The following RFK variants were observed in gnomAD, a reference collection of about 807,000 sequenced individuals.
RFK encodes riboflavin kinase.
A neutral mutation model predicts 17.6 loss-of-function variants in RFK; 4 were observed. The ratio of observed to expected loss-of-function variants is 0.23; its 90% CI spans 0.11 to 0.52. The LOEUF (loss-of-function observed/expected upper bound fraction) is 0.52, where lower values mean the gene tolerates loss of function less well. RFK is among the 20% of genes least tolerant of loss of function. The pLI, the probability that RFK is intolerant of heterozygous loss-of-function variation, is 0.96. For synonymous variants in RFK, 59 were observed against 63.8 expected (o/e 0.92, Z 0.36); for missense variants, 189 against 187.7 (o/e 1.01, Z -0.04).
At chr9:76,392,394 T>C (rs746179434) in intron 2 of RFK, 24 bp downstream of exon 2, 33 of 1,612,418 alleles carry the variant, frequency 2.0e-5, no homozygotes, top group Non-Finnish European at 2.7e-5. Flanking sequence ...CATTTTCGGT[T>C]ACAGAGCAAA....
rs1822865950 is a variant in RFK, at chr9:76,394,417, C to A, written c.-246G>T. ...TCCGCTGGAGGGCAGCGGAGACAGC[C>A]GAAGTAAGTGCCGGGTGTGAGCGGG... is the stretch of plus-strand genomic sequence containing the variant. On this transcript the variant is annotated 5_prime_UTR_variant, in exon 1 of 4. Transcript: ENST00000376736. 7.0e-6 allele frequency: 3 copies of A among 429,872 alleles called. No homozygotes were observed. The highest frequency in any genetic ancestry group is 2.1e-5 in the African/African-American group (1 of 47,520). The allele number at this position is 429,872 out of a possible 1,614,324, so 26.6% of individuals were successfully genotyped here.
Position 76,394,423 on chromosome 9 carries a change from A to G in RFK, c.-252T>C. 4.9e-6 allele frequency: 2 copies of G among 407,438 alleles called. No individual in the cohort carries two copies. Among genetic ancestry groups the G allele is most frequent in the Non-Finnish European group, 8.7e-6 (2 of 229,396 alleles). The allele number at this position is 407,438 out of a possible 1,614,324, so 25.2% of individuals were successfully genotyped here. A position where few individuals can be genotyped will look rare whatever the true frequency, so the allele number is the denominator to read the frequency against. ...GGAGGGCAGCGGAGACAGCCGAAGT[A>G]AGTGCCGGGTGTGAGCGGGGTGGGG... On this transcript the variant is annotated 5_prime_UTR_variant, in exon 1 of 4. Coordinates refer to ENST00000376736, the MANE Select transcript of RFK (RefSeq NM_018339.6).
At chr9:76,392,666 A>T in intron 1 of RFK, 97 bp from the exon 2 acceptor site, 1 of 1,227,392 alleles carries the variant, frequency 8.1e-7, no homozygotes, top group Non-Finnish European at 1.2e-6. Context: ...TAGGACTTTG[A>T]GAGGCCAAGG....
chr9:76,390,580 C>T (rs1373630165), intron 2 of RFK, among the ~76,000 whole-genome samples: 2 of 152,118 alleles, frequency 1.3e-5, no homozygotes, highest in Non-Finnish European at 2.9e-5. Context: ...GGGAGGATCA[C>T]TTCAGCCCAG....
chr9:76,389,912 T>C (rs960394804), intron 2 of RFK, among the ~76,000 whole-genome samples: 7 of 152,190 alleles, frequency 4.6e-5, no homozygotes, highest in Non-Finnish European at 1.0e-4. Context: ...GCAGGTTTTT[T>C]AAAATAGGAG....
At position 76,394,375 on chromosome 9, in the gene RFK, G is replaced by A. The variant is rs1001489730; in HGVS notation, c.-204C>T. On this transcript the variant is annotated 5_prime_UTR_variant, in exon 1 of 4. Coordinates refer to ENST00000376736, the MANE Select transcript of RFK (RefSeq NM_018339.6). ...GCCGACCCAACAAATACCGCCGGGC[G>A]CCTGAGGAGCTGCGTCTCCGCTGGA... is the stretch of plus-strand genomic sequence containing the variant. The A allele has an allele frequency of 2.2e-4, 108 of 500,000 alleles. No individual in the cohort carries two copies. Among genetic ancestry groups the A allele is most frequent in the African/African-American group, 2.1e-3 (103 of 48,618 alleles). 31.0% of individuals were successfully genotyped at this position (500,000 alleles called of 1,614,324 possible).
chr9:76,392,319 G>GT, intron 2 of RFK, 99 bp downstream of exon 2: 2 of 1,246,972 alleles, frequency 1.6e-6, no homozygotes, highest in Non-Finnish European at 2.3e-6. Flanking sequence ...GAACTACGTT[G>GT]TGATTACCAC....
intron 1 of RFK, chr9:76,393,757 G>T: frequency 1.1e-5 from 4 of 363,368 alleles, no homozygotes; most frequent in East Asian, 4.8e-5. Flanking sequence ...CCCACGTTAC[G>T]TCTCTAATGG....
chr9:76,390,685 C>CCA (rs1491428728), intron 2 of RFK, among the ~76,000 whole-genome samples: 2 of 142,080 alleles, frequency 1.4e-5, no homozygotes, highest in Non-Finnish European at 3.0e-5. Flanking sequence ...CAAAACAAAA[C>CCA]TCTGTTCTTC....
At chr9:76,387,723 G>C (rs1342680935) in intron 3 of RFK, 194 bp from the exon 4 acceptor site, 1 of 469,602 alleles carries the variant, frequency 2.1e-6, no homozygotes, top group Non-Finnish European at 3.8e-6. Context: ...CCCTAGGCCG[G>C]GGGCAGTGGC....
At position 76,389,356 on chromosome 9, in the gene RFK, G is replaced by C. The variant is rs374208466; in HGVS notation, c.235-700C>G. ...CTCAGTTTTCTCGTCTGTAATGGGT[G>C]GGGGGCGGCTTGAGTTAGAAGATAC... On this transcript the variant is annotated intron_variant, in intron 2 of 3. Coordinates refer to ENST00000376736, the MANE Select transcript of RFK (RefSeq NM_018339.6). 1.4e-3 allele frequency among the ~76,000 whole-genome samples: 220 copies of C among 152,252 alleles called. 6 individuals are homozygous for C. In the South Asian group the frequency reaches 0.043, roughly 30 times the overall value.
intron 2 of RFK, among the ~76,000 whole-genome samples, chr9:76,390,456 A>C (rs1822804086): frequency 6.6e-6 from 1 of 152,048 alleles, no homozygotes; most frequent in African/African-American, 2.4e-5. Flanking sequence ...TTGAGCCCAA[A>C]AGTTTGAGAC....
rs1049965220 is a variant in RFK, at chr9:76,394,265, G to T, written c.-94C>A. The T allele has an allele frequency of 4.6e-6, 6 of 1,306,846 alleles. No homozygotes were observed. Among genetic ancestry groups the T allele is most frequent in the Admixed American group, 4.6e-5 (2 of 43,760 alleles). 81.0% of individuals were successfully genotyped at this position (1,306,846 alleles called of 1,614,324 possible). On this transcript the variant is annotated 5_prime_UTR_variant, in exon 1 of 4. Transcript: ENST00000376736. ...CGCCCAGACCCCGGACCAGCCGGGG[G>T]ACAGGAGCGTGAGCTCTGCCTGCCG... is the stretch of plus-strand genomic sequence containing the variant.
chr9:76,387,602 C>T, intron 3 of RFK, 73 bp from the exon 4 acceptor site: 1 of 1,456,778 alleles, frequency 6.9e-7, no homozygotes, highest in African/African-American at 1.4e-5. Context: ...TCTGTTTAGC[C>T]AATCCTAAAA....
In RFK at chr9:76,394,076, C is replaced by CGCCCTGCTCTCACCTGTGGGGAT; in HGVS notation, c.73_82+13dup. On this transcript the variant is annotated intron_variant, in intron 1 of 3. Coordinates refer to ENST00000376736, the MANE Select transcript of RFK (RefSeq NM_018339.6). The stretch of plus-strand genomic sequence containing the variant: ...GTGACCCGGCCCGGGGGACTCTGGC[C>CGCCCTGCTCTCACCTGTGGGGAT]GCCCTGCTCTCACCTGTGGGGATGC... 6.3e-7 allele frequency: 1 copy of CGCCCTGCTCTCACCTGTGGGGAT among 1,587,424 alleles called. No individual in the cohort carries two copies. The highest frequency in any genetic ancestry group is 8.6e-7 in the Non-Finnish European group (1 of 1,168,650).
chr9:76,393,940 C>T (rs1036775798), intron 1 of RFK, 150 bp downstream of exon 1: 3 of 706,340 alleles, frequency 4.2e-6, no homozygotes, highest in African/African-American at 3.7e-5. Flanking sequence ...AACGGTCCTC[C>T]GCCACAGACA....
chr9:76,387,588 C>T (rs1427507120), intron 3 of RFK, 59 bp from the exon 4 acceptor site: 5 of 1,531,952 alleles, frequency 3.3e-6, no homozygotes, highest in African/African-American at 1.4e-5. Flanking sequence ...CTTTTTACTA[C>T]TACTCTGTTT....
intron 2 of RFK, among the ~76,000 whole-genome samples, chr9:76,389,205 T>C (rs1352867533): frequency 6.6e-6 from 1 of 152,134 alleles, no homozygotes; most frequent in Non-Finnish European, 1.5e-5. Flanking sequence ...ACGTAGAAAG[T>C]GCCTCAGAAT....
At chr9:76,390,940 G>T (rs917300212) in intron 2 of RFK, among the ~76,000 whole-genome samples, 5 of 151,842 alleles carry the variant, frequency 3.3e-5, no homozygotes, top group African/African-American at 1.2e-4. Context: ...GGTAAGATAT[G>T]CCTATGTTTC....
Sources: gnomAD v4.1 joint callset for allele counts (sites outside exome capture counted in the v4.1 genomes callset) on GRCh38, gnomAD v4.1.1 for gene constraint, MANE v1.5 for transcripts, NCBI Gene and HGNC (gene_info 2026-07-23, HGNC 2026-07-21) for gene names.